The following ALDH1L2 variants were observed in gnomAD, a reference collection of about 807,000 sequenced individuals.
ALDH1L2 encodes the protein aldehyde dehydrogenase 1 family member L2, also known as mitochondrial 10-formyltetrahydrofolate dehydrogenase.
ALDH1L2 carries 91 observed loss-of-function variants against 111.0 expected under a neutral mutation model. That is an observed-to-expected ratio of 0.82 (90% CI 0.69 to 0.98). The LOEUF (loss-of-function observed/expected upper bound fraction) is 0.98. Among genes scored for constraint, ALDH1L2 ranks in the 50% least tolerant of loss-of-function variants. The pLI is 0.00. For missense variants in ALDH1L2, 995 were observed against 1,126.8 expected (o/e 0.88, Z 1.67); for synonymous variants, 374 against 392.6 (o/e 0.95, Z 0.56).
In ALDH1L2 at chr12:105,084,456, A is replaced by G. The variant is rs2136122135; in HGVS notation, c.-20T>C. On this transcript the variant is annotated 5_prime_UTR_variant, in exon 1 of 23. Transcript: ENST00000258494. ...CAGCATGCTGGAGAGGAGCGCTAGC[A>G]CTGGCGACGCGGCAGCGCGGGAGGC... 1.4e-6 allele frequency: 2 copies of G among 1,419,720 alleles called. No homozygotes were observed. The highest frequency in any genetic ancestry group is 3.1e-5 in the Admixed American group (1 of 32,434). The allele number at this position is 1,419,720 out of a possible 1,614,324, so 87.9% of individuals were successfully genotyped here.
At chr12:105,067,444 G>A (rs1335420758) in intron 4 of ALDH1L2, among the ~76,000 whole-genome samples, 1 of 152,040 alleles carries the variant, frequency 6.6e-6, no homozygotes, top group African/African-American at 2.4e-5. Flanking sequence ...GTCTTTATGA[G>A]TTATTTTACT....
chr12:105,066,198 G>A (rs2136098756), intron 5 of ALDH1L2, among the ~76,000 whole-genome samples: 1 of 152,280 alleles, frequency 6.6e-6, no homozygotes, highest in East Asian at 1.9e-4. Flanking sequence ...CATTTTAACT[G>A]CAGAGCGAAG....
intron 9 of ALDH1L2, among the ~76,000 whole-genome samples, chr12:105,059,817 A>G (rs947526149): frequency 1.6e-4 from 24 of 152,212 alleles, no homozygotes; most frequent in African/African-American, 5.5e-4. Flanking sequence ...GAAGGATTTT[A>G]TCAAGAGGAG....
At chr12:105,066,518 G>A in intron 5 of ALDH1L2, 50 bp downstream of exon 5, 1 of 1,533,468 alleles carries the variant, frequency 6.5e-7, no homozygotes, top group Non-Finnish European at 9.0e-7. Flanking sequence ...CTACTGAAGG[G>A]TAGAGGGCCA....
At position 105,024,228 on chromosome 12, in the gene ALDH1L2, A is replaced by G; in HGVS notation, c.*196T>C. On this transcript the variant is annotated 3_prime_UTR_variant, in exon 23 of 23. Transcript: ENST00000258494. ...ACATAGTCAAAATGCAACAACTCCA[A>G]ATCACTGGAAGGTGTATTAGAAAAT... The G allele has an allele frequency of 1.6e-6, 1 of 615,552 alleles. No individual in the cohort carries two copies. Among genetic ancestry groups the G allele is most frequent in the Non-Finnish European group, 2.9e-6 (1 of 346,044 alleles). 38.1% of individuals were successfully genotyped at this position (615,552 alleles called of 1,614,324 possible). A position where few individuals can be genotyped will look rare whatever the true frequency, so the allele number is the denominator to read the frequency against.
At chr12:105,044,015 A>G (rs928069345) in intron 15 of ALDH1L2, among the ~76,000 whole-genome samples, 4 of 152,260 alleles carry the variant, frequency 2.6e-5, no homozygotes, top group Non-Finnish European at 5.9e-5. Flanking sequence ...GAGCCCTAAT[A>G]TTATAAATGC....
rs765508472 is a variant in ALDH1L2 at position 105,061,074 on chromosome 12, T to A, written c.1048-2A>T. 6.2e-7 allele frequency: 1 copy of A among 1,612,750 alleles called. No individual in the cohort carries two copies. Among genetic ancestry groups the A allele is most frequent in the South Asian group, 1.1e-5 (1 of 91,054 alleles). ...GCTTAAAATTCCAGCCCAGATGACC[T>A]ACACAAAAAGGAAACTCTTATGAGG... On this transcript the variant is annotated splice_acceptor_variant, in intron 8 of 22. Transcript: ENST00000258494. LOFTEE classifies it high-confidence loss of function.
chr12:105,032,234 A>G (rs192360003), intron 19 of ALDH1L2, among the ~76,000 whole-genome samples: 20 of 144,532 alleles, frequency 1.4e-4, no homozygotes, highest in African/African-American at 4.9e-4. Flanking sequence ...CTGGAGTACA[A>G]TGGTGTGATC....
intron 6 of ALDH1L2, among the ~76,000 whole-genome samples, chr12:105,063,836 C>T (rs945540837): frequency 1.8e-4 from 28 of 152,048 alleles, no homozygotes; most frequent in African/African-American, 6.5e-4. Context: ...ACGCTGACTG[C>T]ATTATTATTG....
Position 105,026,014 on chromosome 12 carries a change from A to G in ALDH1L2, c.2716+531T>C, listed in dbSNP as rs111732772. On this transcript the variant is annotated intron_variant, in intron 22 of 22. Coordinates refer to ENST00000258494, the MANE Select transcript of ALDH1L2 (RefSeq NM_001034173.4). The stretch of plus-strand genomic sequence containing the variant: ...CTATTGCTTGAAAGGTGTTAGTGTC[A>G]CTGCTCACAGTGAATTACATTTTGG... 4.0e-3 allele frequency among the ~76,000 whole-genome samples: 607 copies of G among 152,300 alleles called. 5 individuals carry two copies. Among genetic ancestry groups the G allele is most frequent in the African/African-American group, 0.014 (576 of 41,560 alleles).
At chr12:105,037,900 G>A (rs1247729409) in intron 18 of ALDH1L2, among the ~76,000 whole-genome samples, 1 of 152,056 alleles carries the variant, frequency 6.6e-6, no homozygotes, top group Non-Finnish European at 1.5e-5. Context: ...GGGTAGCTGG[G>A]ACTACAGGTG....
At position 105,026,405 on chromosome 12, in the gene ALDH1L2, A is replaced by G. The variant is rs1374907535; in HGVS notation, c.2716+140T>C. ...AATAGAAATGTTTAATATTTTAAAA[A>G]ACGAATGCCCTTCTAAACCCAGATA... On this transcript the variant is annotated intron_variant, in intron 22 of 22. Coordinates refer to ENST00000258494, the MANE Select transcript of ALDH1L2 (RefSeq NM_001034173.4). 3.5e-6 allele frequency: 3 copies of G among 859,962 alleles called. No homozygotes were observed. The East Asian group carries it at 7.8e-5, about 22-fold the overall frequency. The allele number at this position is 859,962 out of a possible 1,614,324, so 53.3% of individuals were successfully genotyped here. A position where few individuals can be genotyped will look rare whatever the true frequency, so the allele number is the denominator to read the frequency against.
chr12:105,027,960 A>G (rs1175616637), intron 21 of ALDH1L2, among the ~76,000 whole-genome samples: 1 of 152,214 alleles, frequency 6.6e-6, no homozygotes. Flanking sequence ...TACACATCCA[A>G]GCAGGTGAAG....
chr12:105,042,322 T>C (rs970914351), intron 15 of ALDH1L2, among the ~76,000 whole-genome samples: 3 of 152,108 alleles, frequency 2.0e-5, no homozygotes, highest in African/African-American at 7.2e-5. Flanking sequence ...TCCTAAAACA[T>C]AGAGAAAGTA....
intron 1 of ALDH1L2, chr12:105,074,301 T>C (rs1877903876): frequency 8.2e-6 from 2 of 243,096 alleles, no homozygotes; most frequent in Admixed American, 5.1e-5. Context: ...CTACTAAAAA[T>C]ACAAAAATTA....
chr12:105,039,144 G>A (rs12372636), intron 17 of ALDH1L2, among the ~76,000 whole-genome samples: 11,227 of 152,066 alleles, frequency 0.074, 457 homozygotes, highest in Middle Eastern at 0.092. Context: ...GTTTAACATA[G>A]TTGAGATCAT....
rs1271799546 is a variant in ALDH1L2, at chr12:105,084,430, G to T, written c.7C>A (p.Arg3=). The T allele has an allele frequency of 6.7e-6, 10 of 1,494,866 alleles. No individual in the cohort carries two copies. The highest frequency in any genetic ancestry group is 8.9e-6 in the Non-Finnish European group (10 of 1,129,852). The allele number at this position is 1,494,866 out of a possible 1,614,324, so 92.6% of individuals were successfully genotyped here. The change falls in exon 1 of 23, where the codon CGG becomes AGG. Residue 3 remains arginine (R), a synonymous_variant. Coordinates refer to ENST00000258494, the MANE Select transcript of ALDH1L2 (RefSeq NM_001034173.4). ML[R]RGSQALRRFS... ...CGCCGGAGCGCCTGGCTGCCCCGCC[G>T]CAGCATGCTGGAGAGGAGCGCTAGC...
intron 18 of ALDH1L2, among the ~76,000 whole-genome samples, chr12:105,036,040 T>A (rs1161476775): frequency 1.9e-5 from 2 of 104,022 alleles, no homozygotes; most frequent in Non-Finnish European, 3.4e-5. Flanking sequence ...CGTATATTTA[T>A]ATATGTGTAT....
At chr12:105,065,155 GACCT>G in intron 6 of ALDH1L2, 108 bp downstream of exon 6, 1 of 645,634 alleles carries the variant, frequency 1.5e-6, no homozygotes, top group Non-Finnish European at 2.7e-6. Context: ...GTGAATCACA[GACCT>G]GCCTCATGAC....
Sources: gnomAD v4.1 joint callset for allele counts (sites outside exome capture counted in the v4.1 genomes callset) on GRCh38, gnomAD v4.1.1 for gene constraint, MANE v1.5 for transcripts, NCBI Gene and HGNC (gene_info 2026-07-23, HGNC 2026-07-21) for gene names.